The following TTN variants were observed in gnomAD, a reference collection of about 807,000 sequenced individuals.
The protein encoded by TTN is titin, also known as connectin.
In TTN, 1,525 loss-of-function variants were observed where a neutral mutation model predicts 3,223.0. That is an observed-to-expected ratio of 0.47 (90% CI 0.45 to 0.49). The LOEUF (loss-of-function observed/expected upper bound fraction) is 0.49. Ranked by LOEUF, TTN falls within the 20% of genes least tolerant of loss-of-function variation. TTN has a pLI of 0.00. For missense variants in TTN, 40,786 were observed against 43,424.0 expected, an observed-to-expected ratio of 0.94 and a Z score of 5.40; for synonymous variants, 14,094 against 15,161.0, an observed-to-expected ratio of 0.93 and a Z score of 5.17.
At position 178,565,947 on chromosome 2, in the gene TTN, C is replaced by G. The variant is rs1252013447; in HGVS notation, c.80185G>C (p.Ala26729Pro). ...VIDKRESTRK[A>P]YANVSSKCSK... ...CATTTACTACTCACATTAGCATACGCTTTTCTGGTTGACTCACGTTTGTCA... is the reference window on the plus strand; with the variant it reads ...CATTTACTACTCACATTAGCATACGGTTTTCTGGTTGACTCACGTTTGTCA... Residue 26729 changes from alanine (A) to proline (P), a missense_variant, in exon 326 of 363, where the codon GCG becomes CCG. By Grantham distance (27) the Ala-to-Pro change is conservative. Transcript: ENST00000589042. The G allele has an allele frequency of 1.9e-6, 3 of 1,613,528 alleles. No individual in the cohort carries two copies. Among genetic ancestry groups the G allele is most frequent in the Non-Finnish European group, 2.5e-6 (3 of 1,179,678 alleles).
Position 178,698,872 on chromosome 2 carries a change from G to T in TTN, c.30725C>A (p.Ala10242Glu). ...ACGTGGTGTCATCTCTTTGGGCTTT[G>T]CAACAACTTTTTTGGCATCTTTCTT... is the stretch of plus-strand genomic sequence containing the variant. Reference protein sequence around the residue: ...AVKKDAKKVVAKPKEMTPREE... With the variant: ...AVKKDAKKVVEKPKEMTPREE... Residue 10242 changes from alanine (A) to glutamate (E), a missense_variant, in exon 112 of 363, where the codon GCA becomes GAA. Transcript: ENST00000589042. 2 of 1,534,966 alleles carry T rather than the reference G, an allele frequency of 1.3e-6. No homozygotes were observed. The highest frequency in any genetic ancestry group is 2.4e-5 in the East Asian group (1 of 40,910).
chr2:178,778,308 C>A, intron 24 of TTN: 1 of 310,904 alleles, frequency 3.2e-6, no homozygotes. Context: ...ACTAAAACAT[C>A]CTAATAAATG....
intron 288 of TTN, 95 bp from the exon 289 acceptor site, chr2:178,599,945 G>GT: frequency 8.5e-7 from 1 of 1,181,108 alleles, no homozygotes; most frequent in Non-Finnish European, 1.2e-6. Context: ...TGGATCCACT[G>GT]TAGGCAGACT....
Position 178,589,087 on chromosome 2 carries a change from T to G in TTN, c.62638A>C (p.Arg20880=), listed in dbSNP as rs2049680774. The change falls in exon 304 of 363, where the codon AGG becomes CGG. Residue 20880 remains arginine, a synonymous_variant. Transcript: ENST00000589042. The part of the protein sequence containing the change: ...NLKIVDVSSD[R]CTVCWDPPED... ...GGTGGATCCCAGCAAACAGTACACC[T>G]ATCACTGGACACATCAACAATTTTC... 1 of 1,610,032 alleles carries G rather than the reference T, an allele frequency of 6.2e-7. No individual in the cohort carries two copies. Among genetic ancestry groups the G allele is most frequent in the South Asian group, 1.1e-5 (1 of 91,080 alleles).
Position 178,593,051 on chromosome 2 carries a change from T to G in TTN, c.59068A>C (p.Ile19690Leu), listed in dbSNP as rs1305679009. The G allele has an allele frequency of 5.6e-6, 9 of 1,613,398 alleles. No homozygotes were observed. The highest frequency in any genetic ancestry group is 7.6e-6 in the Non-Finnish European group (9 of 1,179,594). ...TCGACTGAATTGCATGTTGTATCTA[T>G]TGCTTCAGGATTAACAGGTGGACTT... ...KPSPPVNPEA[I>L]DTTCNSVDLT... The change falls in exon 300 of 363, where the codon ATA (isoleucine) becomes CTA (leucine). Residue 19690 changes from isoleucine (I) to leucine (L), a missense_variant. Ile to Leu is a conservative substitution (Grantham distance 5, BLOSUM62 2). Transcript: ENST00000589042.
rs767339203 is a variant in TTN, at chr2:178,528,959, G to A, written c.106792C>T (p.Gln35598Ter). 1 of 1,614,006 alleles carries A rather than the reference G, an allele frequency of 6.2e-7. No individual in the cohort carries two copies. Among genetic ancestry groups the A allele is most frequent in the Non-Finnish European group, 8.5e-7 (1 of 1,179,884 alleles). Reference sequence around the variant, plus strand: ...TGAGTTCTGACTTCTTCTGATGCCTGTGATGTTTTAGTGATTTCCTCATGG... The same window carrying A: ...TGAGTTCTGACTTCTTCTGATGCCTATGATGTTTTAGTGATTTCCTCATGG... ...IVHEEITKTS[Q>*]ASEEVRTHAE... is the part of the protein sequence containing the mutation. Residue 35598 changes from glutamine (Q) to a stop codon, truncating the protein, a stop_gained, in exon 360 of 363, where the codon CAG becomes TAG. Coordinates refer to ENST00000589042, the MANE Select transcript of TTN (RefSeq NM_001267550.2). LOFTEE classifies it high-confidence loss of function.
In TTN at chr2:178,528,766, A is replaced by G; in HGVS notation, c.106985T>C (p.Leu35662Pro). 1 of 1,612,934 alleles carries G rather than the reference A, an allele frequency of 6.2e-7. No individual in the cohort carries two copies. Among genetic ancestry groups the G allele is most frequent in the Non-Finnish European group, 8.5e-7 (1 of 1,179,182 alleles). Residue 35662 changes from leucine (L) to proline (P), a missense_variant, in exon 360 of 363, where the codon CTA becomes CCA. By Grantham distance (98) the Leu-to-Pro change is moderately conservative. Transcript: ENST00000589042. ...TCTGTGACTGGCTTGCTTGATGGTT[A>G]GGGTCTGATCGCTGCCTGAGACACC... ...RYGVSGSDQT[L>P]TIKQASHRDE...
At position 178,651,465 on chromosome 2, in the gene TTN, G is replaced by A. The variant is rs752224211; in HGVS notation, c.39535C>T (p.Pro13179Ser). The stretch of plus-strand genomic sequence containing the variant: ...CAGCCACATATACCTTTAGCAGGTG[G>A]GGCTTCTGGCTTTTTGGGAACCACC... ...PLVVPKKPEA[P>S]PAKVPEVPKE... Residue 13179 changes from proline (P) to serine (S), a missense_variant, in exon 207 of 363, where the codon CCA becomes TCA. Physicochemically the swap from Pro to Ser is moderately conservative, Grantham distance 74. Coordinates refer to ENST00000589042, the MANE Select transcript of TTN (RefSeq NM_001267550.2). The A allele has an allele frequency of 1.2e-5, 20 of 1,610,908 alleles. No homozygotes were observed. In the Admixed American group the frequency reaches 3.4e-4, roughly 27 times the overall value.
chr2:178,618,970 T>G, intron 250 of TTN, 117 bp from the exon 251 acceptor site: 4 of 1,380,632 alleles, frequency 2.9e-6, no homozygotes, highest in South Asian at 2.8e-5. Flanking sequence ...TAAGCTACAG[T>G]AACTTTATAG....
intron 168 of TTN, 57 bp from the exon 169 acceptor site, chr2:178,664,155 C>G (rs2065405162): frequency 6.7e-7 from 1 of 1,493,906 alleles, no homozygotes; most frequent in South Asian, 1.3e-5. Flanking sequence ...TAGATAGATA[C>G]AAAGACATTT....
In TTN at chr2:178,712,397, T is replaced by C. The variant is rs2076796228; in HGVS notation, c.27525A>G (p.Thr9175=). ...KSAILEIPSS[T]VEDAGQYNCY... The stretch of plus-strand genomic sequence containing the variant: ...AGTTGTATTGTCCTGCATCCTCTAC[T>C]GTGCTACTTGGAATTTCCAGGATTG... The change falls in exon 95 of 363, where the codon ACA becomes ACG. Residue 9175 remains threonine (T), a synonymous_variant. Transcript: ENST00000589042. The C allele has an allele frequency of 1.2e-6, 2 of 1,613,776 alleles. No homozygotes were observed. The highest frequency in any genetic ancestry group is 1.1e-5 in the South Asian group (1 of 91,092).
chr2:178,752,184 C>G, intron 47 of TTN: 1 of 732,882 alleles, frequency 1.4e-6, no homozygotes, highest in South Asian at 1.9e-5. Flanking sequence ...CATATTTGTT[C>G]GAATAAACGC....
rs930814645 is a variant in TTN at position 178,733,416 on chromosome 2, T to G, written c.15877A>C (p.Lys5293Gln). Residue 5293 changes from lysine (K) to glutamine (Q), a missense_variant, in exon 54 of 363, where the codon AAA becomes CAA. By Grantham distance (53) the Lys-to-Gln change is moderately conservative (BLOSUM62 1). Coordinates refer to ENST00000589042, the MANE Select transcript of TTN (RefSeq NM_001267550.2). ...AAGGGTCTCCCATCTTTGTACCATT[T>G]GGGCTTCAGTTCTGGCGTGCCTGCC... ...TVAGTPELKPKWYKDGRPLVA... is the reference protein window; with the variant it reads ...TVAGTPELKPQWYKDGRPLVA... 2 of 1,613,726 alleles carry G rather than the reference T, an allele frequency of 1.2e-6. No homozygotes were observed. The highest frequency in any genetic ancestry group is 2.7e-5 in the African/African-American group (2 of 74,936).
At chr2:178,751,971 C>A in intron 47 of TTN, 1 of 1,588,478 alleles carries the variant, frequency 6.3e-7, no homozygotes, top group Non-Finnish European at 8.5e-7. Flanking sequence ...TGGTCTATGT[C>A]TTCAGAATCT....
In TTN at chr2:178,620,469, A is replaced by C. The variant is rs1291092152; in HGVS notation, c.46052T>G (p.Val15351Gly). ...VPFDNRVSYR[V>G]DKYKHMLTIK... The stretch of plus-strand genomic sequence containing the variant: ...GGTTAACATGTGCTTGTACTTATCA[A>C]CTCTGTATGAGACACGGTTGTCAAA... The change falls in exon 248 of 363, where the codon GTT (valine) becomes GGT (glycine). Residue 15351 changes from valine (V) to glycine (G), a missense_variant. Coordinates refer to ENST00000589042, the MANE Select transcript of TTN (RefSeq NM_001267550.2). 46 of 1,612,016 alleles carry C rather than the reference A, an allele frequency of 2.9e-5. No homozygotes were observed. Among genetic ancestry groups the C allele is most frequent in the Non-Finnish European group, 3.8e-5 (45 of 1,178,866 alleles).
intron 243 of TTN, among the ~76,000 whole-genome samples, 173 bp from the exon 244 acceptor site, chr2:178,622,181 C>A (rs753134894): frequency 6.6e-6 from 1 of 151,842 alleles, no homozygotes; most frequent in Non-Finnish European, 1.5e-5. Context: ...CAAGAACAAT[C>A]TTACCAATTA....
At chr2:178,646,332 A>G (rs1048184136) in intron 216 of TTN, among the ~76,000 whole-genome samples, 153 bp downstream of exon 216, 15 of 151,552 alleles carry the variant, frequency 9.9e-5, no homozygotes, top group African/African-American at 3.6e-4. Flanking sequence ...TACAAGTTAC[A>G]TGGAAACCTA....
intron 326 of TTN, 132 bp downstream of exon 326, chr2:178,559,179 A>G: frequency 2.6e-6 from 2 of 781,284 alleles, no homozygotes; most frequent in Non-Finnish European, 4.0e-6. Flanking sequence ...GTGCCATAGT[A>G]TGAATAGTTT....
Position 178,777,251 on chromosome 2 carries a change from G to T in TTN, c.4712C>A (p.Ser1571Tyr). ...KLKNVNIKEG[S>Y]RLEMKVRATG... is the part of the protein sequence containing the mutation. The stretch of plus-strand genomic sequence containing the variant: ...AGCTCTGACTTTCATTTCAAGTCGG[G>T]AACCTTCCTTTATATTGACATTTTT... The change falls in exon 27 of 363, where the codon TCC (serine) becomes TAC (tyrosine). Residue 1571 changes from serine to tyrosine, a missense_variant. Coordinates refer to ENST00000589042, the MANE Select transcript of TTN (RefSeq NM_001267550.2). The T allele has an allele frequency of 1.2e-6, 2 of 1,614,060 alleles. No individual in the cohort carries two copies. Among genetic ancestry groups the T allele is most frequent in the Non-Finnish European group, 1.7e-6 (2 of 1,179,980 alleles).
Sources: allele counts gnomAD v4.1 joint callset (sites outside exome capture counted in the v4.1 genomes callset), GRCh38; gene constraint gnomAD v4.1.1; transcripts MANE v1.5; gene names NCBI Gene and HGNC (gene_info 2026-07-23, HGNC 2026-07-21).